The following GRIA2 variants were observed in gnomAD, a reference collection of about 807,000 sequenced individuals.
GRIA2 encodes the protein glutamate receptor 2.
In GRIA2, 14 loss-of-function variants were observed where a neutral mutation model predicts 97.3. That is an observed-to-expected ratio of 0.14 (90% CI 0.10 to 0.23). The LOEUF (loss-of-function observed/expected upper bound fraction) is 0.23. GRIA2 is among the 10% of genes least tolerant of loss of function. The probability of loss-of-function intolerance (pLI) is 1.00; values close to 1 mark genes in which losing one functional copy is unlikely to be tolerated. For missense variants in GRIA2, 558 were observed against 1,069.8 expected, an observed-to-expected ratio of 0.52 and a Z score of 6.67; for synonymous variants, 412 against 387.8, an observed-to-expected ratio of 1.06 and a Z score of -0.73.
intron 2 of GRIA2, among the ~76,000 whole-genome samples, chr4:157,261,894 T>A (rs932134713): frequency 1.3e-5 from 2 of 152,082 alleles, no homozygotes; most frequent in African/African-American, 4.8e-5. Context: ...CCTGCATCAG[T>A]CTGTGGAAGA....
intron 12 of GRIA2, among the ~76,000 whole-genome samples, chr4:157,347,437 C>T (rs1735810578): frequency 6.6e-6 from 1 of 152,130 alleles, no homozygotes; most frequent in African/African-American, 2.4e-5. Flanking sequence ...AAAGAGAAAG[C>T]ATTCCTTTTC....
intron 2 of GRIA2, among the ~76,000 whole-genome samples, chr4:157,262,713 A>G (rs1731598266): frequency 6.6e-6 from 1 of 151,970 alleles, no homozygotes; most frequent in Non-Finnish European, 1.5e-5. Context: ...ATCTTTCATT[A>G]ACAGAGACAC....
At chr4:157,255,531 T>C (rs920024832) in intron 2 of GRIA2, among the ~76,000 whole-genome samples, 7 of 152,038 alleles carry the variant, frequency 4.6e-5, no homozygotes, top group African/African-American at 1.7e-4. Context: ...CAACAGTGTA[T>C]AAGCATTCCC....
intron 3 of GRIA2, among the ~76,000 whole-genome samples, chr4:157,310,046 TCTTA>T (rs1734011359): frequency 2.6e-5 from 4 of 152,164 alleles, no homozygotes; most frequent in Admixed American, 2.6e-4. Context: ...TTTCTTTTTC[TCTTA>T]CTTGCAGAGA....
chr4:157,336,966 A>G (rs1735313965), intron 11 of GRIA2, among the ~76,000 whole-genome samples: 1 of 152,056 alleles, frequency 6.6e-6, no homozygotes, highest in Non-Finnish European at 1.5e-5. Flanking sequence ...GAAATTATAC[A>G]CACCATGAAG....
At chr4:157,257,407 G>A (rs1004147834) in intron 2 of GRIA2, among the ~76,000 whole-genome samples, 1 of 152,012 alleles carries the variant, frequency 6.6e-6, no homozygotes, top group African/African-American at 2.4e-5. Context: ...AAGTGAATGT[G>A]TCTTAAAAAT....
intron 2 of GRIA2, among the ~76,000 whole-genome samples, chr4:157,243,171 G>A (rs1365956682): frequency 5.3e-5 from 8 of 152,046 alleles, no homozygotes; most frequent in Admixed American, 1.3e-4. Context: ...ATGAATGACT[G>A]CAAAAGTGCT....
chr4:157,317,634 TA>T (rs1434673519), intron 4 of GRIA2, 23 bp from the exon 5 acceptor site: 1 of 863,908 alleles, frequency 1.2e-6, no homozygotes, highest in Non-Finnish European at 1.9e-6. Flanking sequence ...ATTAATTAAA[TA>T]ATTACTTATT....
intron 2 of GRIA2, among the ~76,000 whole-genome samples, chr4:157,266,142 C>T (rs772844833): frequency 1.7e-4 from 26 of 151,992 alleles, no homozygotes; most frequent in African/African-American, 6.0e-4. Flanking sequence ...TGGTGAGTTC[C>T]GTTTTAGAGC....
In GRIA2 at chr4:157,336,368, C is replaced by T. The variant is rs752631504; in HGVS notation, c.1474-9C>T. On this transcript the variant is annotated splice_polypyrimidine_tract_variant and intron_variant, in intron 10 of 15. Transcript: ENST00000264426. Reference sequence around the variant, plus strand: ...CAGGTACTATTACTTTCCTTTTTTTCCCTTACAGAAAGCTGATATTGCAAT... The same window carrying T: ...CAGGTACTATTACTTTCCTTTTTTTTCCTTACAGAAAGCTGATATTGCAAT... 2.0e-6 allele frequency: 3 copies of T among 1,524,160 alleles called. No individual in the cohort carries two copies. Among genetic ancestry groups the T allele is most frequent in the South Asian group, 2.7e-5 (2 of 75,438 alleles). 94.4% of individuals were successfully genotyped at this position (1,524,160 alleles called of 1,614,324 possible).
intron 12 of GRIA2, 147 bp downstream of exon 12, chr4:157,341,609 C>A: frequency 1.6e-6 from 1 of 623,896 alleles, no homozygotes; most frequent in Non-Finnish European, 2.8e-6. Flanking sequence ...CTGTTTCTGA[C>A]CCTTCCCTAT....
chr4:157,346,121 T>C (rs1735754207), intron 12 of GRIA2, among the ~76,000 whole-genome samples: 1 of 152,124 alleles, frequency 6.6e-6, no homozygotes, highest in Admixed American at 6.6e-5. Context: ...TTGAGAGTAT[T>C]TTTTTAAAGA....
At chr4:157,286,382 T>C (rs1362821172) in intron 2 of GRIA2, among the ~76,000 whole-genome samples, 1 of 151,562 alleles carries the variant, frequency 6.6e-6, no homozygotes, top group African/African-American at 2.4e-5. Flanking sequence ...TTAGGCTCTC[T>C]TATTTCCTCA....
In GRIA2 at chr4:157,264,881, G is replaced by A. The variant is rs547264189; in HGVS notation, c.230-38671G>A. Among the ~76,000 whole-genome samples, 10 of 151,026 alleles carry A rather than the reference G, an allele frequency of 6.6e-5. No individual in the cohort carries two copies. In the East Asian group the frequency reaches 2.0e-3, roughly 30 times the overall value. ...GCCATTTGTTCATAAATACACACAC[G>A]CTCTCTCTCTCTCACCCACACACAC... On this transcript the variant is annotated intron_variant, in intron 2 of 15. Coordinates refer to ENST00000264426, the MANE Select transcript of GRIA2 (RefSeq NM_001083619.3).
rs776174086 is a variant in GRIA2, at chr4:157,335,881, A to C, written c.1473+4A>C. On this transcript the variant is annotated splice_donor_region_variant and intron_variant, in intron 10 of 15. Transcript: ENST00000264426. ...GGTTGGAGAACTTGTATATGGGGTA[A>C]GTATAGCTCTTCTCATAGATAAAGT... 6.4e-7 allele frequency: 1 copy of C among 1,557,848 alleles called. No individual in the cohort carries two copies. The highest frequency in any genetic ancestry group is 8.8e-7 in the Non-Finnish European group (1 of 1,131,400).
At chr4:157,230,577 T>TC (rs879693185) in intron 2 of GRIA2, among the ~76,000 whole-genome samples, 7,616 of 79,934 alleles carry the variant, frequency 0.095, 557 homozygotes, top group African/African-American at 0.22. Context: ...CTTCCTTCCT[T>TC]CTTTCCTTCC....
intron 2 of GRIA2, among the ~76,000 whole-genome samples, chr4:157,243,072 G>A (rs931223856): frequency 1.3e-5 from 2 of 152,072 alleles, no homozygotes; most frequent in African/African-American, 4.8e-5. Flanking sequence ...CAGTATGAAA[G>A]CTGACACAAG....
chr4:157,324,349 A>G (rs551240445), intron 6 of GRIA2, among the ~76,000 whole-genome samples: 1 of 152,350 alleles, frequency 6.6e-6, no homozygotes, highest in South Asian at 2.1e-4. Flanking sequence ...GCCAGAAACT[A>G]AATATAAATA....
At chr4:157,342,129 T>A (rs1735576634) in intron 12 of GRIA2, 1 of 973,584 alleles carries the variant, frequency 1.0e-6, no homozygotes, top group African/African-American at 1.7e-5. Context: ...AAAACAACTC[T>A]TTCTATGAAA....
Sources: allele counts gnomAD v4.1 joint callset (sites outside exome capture counted in the v4.1 genomes callset), GRCh38; gene constraint gnomAD v4.1.1; transcripts MANE v1.5; gene names NCBI Gene and HGNC (gene_info 2026-07-23, HGNC 2026-07-21).